Variants in RBFOX3 observed in about 807,000 individuals in gnomAD.
RBFOX3 encodes the protein RNA binding protein fox-1 homolog 3.
Under a neutral mutation model 48.7 loss-of-function variants are expected in RBFOX3, and 17 were observed. The ratio of observed to expected loss-of-function variants is 0.35; its 90% CI spans 0.24 to 0.52. RBFOX3 has a LOEUF of 0.52. Ranked by LOEUF, RBFOX3 falls within the 20% of genes least tolerant of loss-of-function variation. The probability of loss-of-function intolerance (pLI) is 0.94; values close to 1 mark genes in which losing one functional copy is unlikely to be tolerated. For missense variants in RBFOX3, 382 were observed against 497.5 expected (o/e 0.77, Z 2.21); for synonymous variants, 212 against 209.5 (o/e 1.01, Z -0.10).
At chr17:79,314,526 C>T (rs75624593) in intron 2 of RBFOX3, among the ~76,000 whole-genome samples, 2,788 of 152,298 alleles carry the variant, frequency 0.018, 96 homozygotes, top group African/African-American at 0.064. Flanking sequence ...CCAAGACTCT[C>T]ACTCGGCATT....
chr17:79,313,631 A>T (rs2077145572), intron 2 of RBFOX3, among the ~76,000 whole-genome samples: 1 of 152,100 alleles, frequency 6.6e-6, no homozygotes, highest in Admixed American at 6.5e-5. Flanking sequence ...TTCTTCCTGG[A>T]GATAAAGTGA....
intron 4 of RBFOX3, among the ~76,000 whole-genome samples, chr17:79,129,239 A>G (rs1449705539): frequency 1.3e-5 from 2 of 152,184 alleles, no homozygotes; most frequent in South Asian, 2.1e-4. Flanking sequence ...TTAATCTTCA[A>G]TGCGCTAAAC....
chr17:79,546,762 C>G (rs1555792064), intron 1 of RBFOX3, among the ~76,000 whole-genome samples: 1 of 151,412 alleles, frequency 6.6e-6, no homozygotes, highest in Non-Finnish European at 1.5e-5. Flanking sequence ...CTCCGACTCC[C>G]AGGTTGAAGT....
intron 2 of RBFOX3, among the ~76,000 whole-genome samples, chr17:79,456,490 C>T (rs2074518432): frequency 6.6e-6 from 1 of 152,136 alleles, no homozygotes; most frequent in Non-Finnish European, 1.5e-5. Context: ...AGAACCCGCC[C>T]CAGACCAAGC....
chr17:79,133,818 C>T (rs947873479), intron 4 of RBFOX3, among the ~76,000 whole-genome samples: 5 of 152,180 alleles, frequency 3.3e-5, no homozygotes, highest in East Asian at 3.8e-4. Context: ...GTGAGGACAA[C>T]GCAACAGGTC....
At chr17:79,349,921 C>T (rs1277080083) in intron 2 of RBFOX3, among the ~76,000 whole-genome samples, 1 of 152,148 alleles carries the variant, frequency 6.6e-6, no homozygotes, top group African/African-American at 2.4e-5. Context: ...TGAGCCTAGG[C>T]CACGTGGCCC....
At chr17:79,185,512 C>T (rs763444846) in intron 4 of RBFOX3, among the ~76,000 whole-genome samples, 19 of 152,062 alleles carry the variant, frequency 1.2e-4, no homozygotes, top group Non-Finnish European at 2.5e-4. Flanking sequence ...TCAGGTTGTT[C>T]TTGCTTGTTC....
At chr17:79,197,991 C>T (rs537999127) in intron 4 of RBFOX3, among the ~76,000 whole-genome samples, 19 of 152,268 alleles carry the variant, frequency 1.2e-4, no homozygotes, top group South Asian at 1.2e-3. Context: ...GACTGCGGCG[C>T]GTGCTTCTGA....
intron 3 of RBFOX3, among the ~76,000 whole-genome samples, chr17:79,303,666 C>G (rs181390187): frequency 6.6e-6 from 1 of 152,014 alleles, no homozygotes. Context: ...GTTTACTCCC[C>G]GAGAATGGTT....
Position 79,147,185 on chromosome 17 carries a change from A to G in RBFOX3, c.-33-31437T>C, listed in dbSNP as rs115890354. On this transcript the variant is annotated intron_variant, in intron 4 of 14. Coordinates refer to ENST00000693108, the MANE Select transcript of RBFOX3 (RefSeq NM_001350451.2). ...CGTCCGTGTCGTCCTCAGAGATGGC[A>G]CGGCCCAAGTCAGGAGGACACTGTG... Among the ~76,000 whole-genome samples, 1,042 of 152,218 alleles carry G rather than the reference A, an allele frequency of 6.8e-3. 14 individuals are homozygous for G. The highest frequency in any genetic ancestry group is 0.024 in the African/African-American group (987 of 41,532).
chr17:79,393,305 C>T (rs1325669814), intron 2 of RBFOX3, among the ~76,000 whole-genome samples: 1 of 152,240 alleles, frequency 6.6e-6, no homozygotes, highest in Non-Finnish European at 1.5e-5. Context: ...CAACCCCACA[C>T]TTCCACCTGC....
chr17:79,268,901 G>A (rs1296106882), intron 3 of RBFOX3, among the ~76,000 whole-genome samples: 3 of 152,220 alleles, frequency 2.0e-5, no homozygotes, highest in Admixed American at 1.3e-4. Flanking sequence ...TCCCTGAAAC[G>A]TCTCCCTCTC....
intron 4 of RBFOX3, among the ~76,000 whole-genome samples, chr17:79,143,502 G>A (rs767684108): frequency 2.1e-4 from 32 of 152,116 alleles, no homozygotes; most frequent in Admixed American, 6.5e-5. Flanking sequence ...CACCCACAGC[G>A]TGGGGGTCTC....
At chr17:79,333,314 G>A (rs1223973523) in intron 2 of RBFOX3, among the ~76,000 whole-genome samples, 1 of 152,182 alleles carries the variant, frequency 6.6e-6, no homozygotes, top group African/African-American at 2.4e-5. Flanking sequence ...TTGCCGAGCT[G>A]GCTTCTCCAC....
rs112074165 is a variant in RBFOX3, at chr17:79,464,600, T to A, written c.-175+17854A>T. Reference sequence around the variant, plus strand: ...AGGAGAAGGGAGGAAGGGAGGCAACTCTTTTTATAGCAAGTGAGCAAACAA... The same window carrying A: ...AGGAGAAGGGAGGAAGGGAGGCAACACTTTTTATAGCAAGTGAGCAAACAA... On this transcript the variant is annotated intron_variant, in intron 2 of 14. Coordinates refer to ENST00000693108, the MANE Select transcript of RBFOX3 (RefSeq NM_001350451.2). Among the ~76,000 whole-genome samples, 6 of 152,370 alleles carry A rather than the reference T, an allele frequency of 3.9e-5. 1 individual carries two copies. The highest frequency in any genetic ancestry group is 1.4e-4 in the African/African-American group (6 of 41,584).
chr17:79,351,256 C>A (rs1193653942), intron 2 of RBFOX3, among the ~76,000 whole-genome samples: 2 of 152,224 alleles, frequency 1.3e-5, no homozygotes, highest in African/African-American at 2.4e-5. Flanking sequence ...GTGTTCAATT[C>A]TCTGGGGGCA....
chr17:79,627,202 T>C, the RBFOX3 span, among the ~76,000 whole-genome samples: 5 of 152,160 alleles, frequency 3.3e-5, no homozygotes, highest in South Asian at 2.1e-4. Flanking sequence ...TTTCCAGCAG[T>C]AGTAATCAAG....
At chr17:79,179,587 A>T (rs999680833) in intron 4 of RBFOX3, among the ~76,000 whole-genome samples, 2 of 149,080 alleles carry the variant, frequency 1.3e-5, no homozygotes, top group Non-Finnish European at 3.0e-5. Flanking sequence ...TCTCCCCCGG[A>T]GCCATTTACT....
chr17:79,414,674 G>C (rs2065020383), intron 2 of RBFOX3, among the ~76,000 whole-genome samples: 1 of 152,226 alleles, frequency 6.6e-6, no homozygotes, highest in Non-Finnish European at 1.5e-5. Flanking sequence ...GCCTGGCAGA[G>C]CTAAGGAACT....
Sources: allele counts gnomAD v4.1 joint callset (sites outside exome capture counted in the v4.1 genomes callset), GRCh38; gene constraint gnomAD v4.1.1; transcripts MANE v1.5; gene names NCBI Gene and HGNC (gene_info 2026-07-23, HGNC 2026-07-21).